The following ZCCHC8 variants were observed in gnomAD, a reference collection of about 807,000 sequenced individuals.
The protein encoded by ZCCHC8 is zinc finger CCHC-type containing 8, also known as zinc finger CCHC domain-containing protein 8.
In ZCCHC8, 27 loss-of-function variants were observed where a neutral mutation model predicts 70.6. The ratio of observed to expected loss-of-function variants is 0.38; its 90% CI spans 0.28 to 0.53. The LOEUF (loss-of-function observed/expected upper bound fraction) is 0.53, where lower values mean the gene tolerates loss of function less well. ZCCHC8 is among the 20% of genes least tolerant of loss of function. ZCCHC8 has a pLI of 0.81. For missense variants in ZCCHC8, 737 were observed against 876.9 expected (o/e 0.84, Z 2.01); for synonymous variants, 293 against 317.4 (o/e 0.92, Z 0.82).
chr12:122,489,092 T>C (rs1021771073), intron 5 of ZCCHC8, among the ~76,000 whole-genome samples: 2 of 152,192 alleles, frequency 1.3e-5, no homozygotes, highest in African/African-American at 4.8e-5. Flanking sequence ...TAGCCATGTA[T>C]AAGTTCAACA....
Position 122,478,258 on chromosome 12 carries a change from G to T in ZCCHC8, c.1175C>A (p.Ala392Glu). The change falls in exon 12 of 14, where the codon GCA becomes GAA. Residue 392 changes from alanine (A) to glutamate (E), a missense_variant. Physicochemically the swap from Ala to Glu is moderately radical, Grantham distance 107. Coordinates refer to ENST00000633063, the MANE Select transcript of ZCCHC8 (RefSeq NM_017612.5). ...GGCAAACACATCCTTCTGCTGACATGCCTGCATTGGTATGGAACCAAAGAT... is the reference window on the plus strand; with the variant it reads ...GGCAAACACATCCTTCTGCTGACATTCCTGCATTGGTATGGAACCAAAGAT... ...WRIFGSIPMQ[A>E]CQQKDVFANY... 6.2e-7 allele frequency: 1 copy of T among 1,602,260 alleles called. No individual in the cohort carries two copies. Among genetic ancestry groups the T allele is most frequent in the Non-Finnish European group, 8.5e-7 (1 of 1,174,352 alleles).
At chr12:122,481,400 G>A in intron 10 of ZCCHC8, 122 bp downstream of exon 10, 1 of 1,228,934 alleles carries the variant, frequency 8.1e-7, no homozygotes, top group Non-Finnish European at 1.1e-6. Flanking sequence ...ACATCATCAT[G>A]ATATTTTTTA....
intron 13 of ZCCHC8, among the ~76,000 whole-genome samples, chr12:122,474,714 C>G (rs1195405699): frequency 2.7e-5 from 4 of 150,762 alleles, no homozygotes; most frequent in Non-Finnish European, 4.4e-5. Context: ...CAGGAGTACA[C>G]CTTGGGTTAT....
At chr12:122,496,125 C>T (rs7961579) in intron 2 of ZCCHC8, among the ~76,000 whole-genome samples, 6,584 of 151,594 alleles carry the variant, frequency 0.043, 478 homozygotes, top group African/African-American at 0.15. Flanking sequence ...AGTAACTGCA[C>T]GACTGCAGTC....
Position 122,482,031 on chromosome 12 carries a change from T to C in ZCCHC8, c.789A>G (p.Gly263=), listed in dbSNP as rs763741275. Residue 263 remains glycine, a synonymous_variant, in exon 9 of 14, where the codon GGA becomes GGG. Transcript: ENST00000633063. ...GCTGGAAATTCTGATTGTTTGCTTC[T>C]CCACAGGCATCCATATACTCTTTTC... is the stretch of plus-strand genomic sequence containing the variant. ...EKRKEYMDAC[G]EANNQNFQQR... 21 of 1,613,026 alleles carry C rather than the reference T, an allele frequency of 1.3e-5. No individual in the cohort carries two copies. The African/African-American group carries it at 2.7e-4, about 21-fold the overall frequency.
At chr12:122,476,547 T>C (rs1957420946) in intron 13 of ZCCHC8, among the ~76,000 whole-genome samples, 3 of 151,068 alleles carry the variant, frequency 2.0e-5, no homozygotes. Context: ...TGAGCCATGA[T>C]CGCACCACTG....
intron 13 of ZCCHC8, among the ~76,000 whole-genome samples, chr12:122,475,586 G>T (rs1957403548): frequency 6.6e-6 from 1 of 152,138 alleles, no homozygotes. Context: ...TTGGCTCTCT[G>T]GGGTGCATGC....
chr12:122,485,374 A>G (rs1388412277), intron 5 of ZCCHC8, among the ~76,000 whole-genome samples: 1 of 152,196 alleles, frequency 6.6e-6, no homozygotes, highest in Non-Finnish European at 1.5e-5. Flanking sequence ...TTGGCCTCCC[A>G]AAGTGCTGGG....
chr12:122,489,355 C>T (rs756131065), intron 5 of ZCCHC8, 31 bp downstream of exon 5: 27 of 1,606,208 alleles, frequency 1.7e-5, no homozygotes, highest in Non-Finnish European at 2.0e-5. Flanking sequence ...CACCTATTGG[C>T]TGAATTCAAA....
At chr12:122,498,331 C>G (rs1180778345) in intron 2 of ZCCHC8, among the ~76,000 whole-genome samples, 1 of 151,900 alleles carries the variant, frequency 6.6e-6, no homozygotes, top group East Asian at 1.9e-4. Context: ...AGCGTTTCAC[C>G]ACGTTGCCCA....
At chr12:122,478,978 C>A (rs375803735) in intron 11 of ZCCHC8, among the ~76,000 whole-genome samples, 2 of 152,202 alleles carry the variant, frequency 1.3e-5, no homozygotes, top group African/African-American at 4.8e-5. Flanking sequence ...CACAGTCTTG[C>A]GTGATTGAGA....
chr12:122,483,853 A>G lies in ZCCHC8; in HGVS notation c.502-290T>C, dbSNP rs1957584244. The G allele has an allele frequency of 3.7e-6, 1 of 271,624 alleles. No individual in the cohort carries two copies. The highest frequency in any genetic ancestry group is 6.6e-5 in the South Asian group (1 of 15,076). 16.8% of individuals were successfully genotyped at this position (271,624 alleles called of 1,614,324 possible). On this transcript the variant is annotated intron_variant, in intron 5 of 13. Transcript: ENST00000633063. This position sits in a 1 kb window ranked among gnomAD's most constrained non-coding sequence, Gnocchi z 4.4. ...ACCTTGACTCTCATATTTCCCTCCA[A>G]TGCCCCATTTCATTGCTTCTCTTTG...
chr12:122,490,706 C>T (rs550400437), intron 3 of ZCCHC8, 139 bp from the exon 4 acceptor site: 17 of 517,076 alleles, frequency 3.3e-5, no homozygotes. Context: ...CTCTGTAATA[C>T]TCAGGAACAT....
Position 122,498,738 on chromosome 12 carries a change from TAC to T in ZCCHC8, c.242+87_242+88del, listed in dbSNP as rs1284128715. 3.5e-5 allele frequency: 44 copies of T among 1,268,504 alleles called. No individual in the cohort carries two copies. In the African/African-American group the frequency reaches 5.8e-4, roughly 17 times the overall value. 78.6% of individuals were successfully genotyped at this position (1,268,504 alleles called of 1,614,324 possible). A position where few individuals can be genotyped will look rare whatever the true frequency, so the allele number is the denominator to read the frequency against. ...AAATAAAAATGATACAAAAATCCCA[TAC>T]ACTTTTTACAACGAAATTCTGATTA... On this transcript the variant is annotated intron_variant, in intron 2 of 13. Transcript: ENST00000633063.
chr12:122,474,106 T>C lies in ZCCHC8; in HGVS notation c.1515A>G (p.Thr505=). The change falls in exon 14 of 14, where the codon ACA becomes ACG. Residue 505 remains threonine, a synonymous_variant. Coordinates refer to ENST00000633063, the MANE Select transcript of ZCCHC8 (RefSeq NM_017612.5). ...LTPSDSPQTR[T]ASGAVDEDAL... ...CGTCCTCATCCACAGCTCCAGATGCTGTTCTGGTCTGGGGTGAGTCACTGG... is the reference window on the plus strand; with the variant it reads ...CGTCCTCATCCACAGCTCCAGATGCCGTTCTGGTCTGGGGTGAGTCACTGG... 1 of 1,514,986 alleles carries C rather than the reference T, an allele frequency of 6.6e-7. No individual in the cohort carries two copies. The highest frequency in any genetic ancestry group is 8.8e-7 in the Non-Finnish European group (1 of 1,134,474). 93.8% of individuals were successfully genotyped at this position (1,514,986 alleles called of 1,614,324 possible). A position where few individuals can be genotyped will look rare whatever the true frequency, so the allele number is the denominator to read the frequency against.
intron 10 of ZCCHC8, 193 bp downstream of exon 10, chr12:122,481,329 C>T (rs532305497): frequency 1.5e-6 from 1 of 652,890 alleles, no homozygotes; most frequent in African/African-American, 1.8e-5. Flanking sequence ...CCCAGAAAAC[C>T]ATCAGATAAT....
chr12:122,494,767 A>G (rs1435899271), intron 2 of ZCCHC8, among the ~76,000 whole-genome samples: 1 of 152,124 alleles, frequency 6.6e-6, no homozygotes, highest in Non-Finnish European at 1.5e-5. Flanking sequence ...AGGCAGGAGA[A>G]TTGCTTGAAC....
intron 13 of ZCCHC8, among the ~76,000 whole-genome samples, chr12:122,476,609 A>G (rs556096228): frequency 2.0e-5 from 3 of 151,740 alleles, no homozygotes; most frequent in African/African-American, 4.8e-5. Flanking sequence ...AAAAAACAAA[A>G]AACAAAACAA....
chr12:122,494,213 A>C (rs1957790473), intron 2 of ZCCHC8, among the ~76,000 whole-genome samples: 1 of 152,122 alleles, frequency 6.6e-6, no homozygotes, highest in South Asian at 2.1e-4. Flanking sequence ...CCTGTACAGC[A>C]TGTGAAATAA....
Sources: gnomAD v4.1 joint callset for allele counts (sites outside exome capture counted in the v4.1 genomes callset) on GRCh38, gnomAD v4.1.1 for gene constraint, Gnocchi (gnomAD v3.1) non-coding constraint, MANE v1.5 for transcripts, NCBI Gene and HGNC (gene_info 2026-07-23, HGNC 2026-07-21) for gene names.